The following CFTR variants were observed in gnomAD, a reference collection of about 807,000 sequenced individuals.
CFTR encodes cystic fibrosis transmembrane conductance regulator.
CFTR carries 181 observed loss-of-function variants against 171.6 expected under a neutral mutation model. That is an observed-to-expected ratio of 1.05 (90% confidence interval 0.93 to 1.19). CFTR has a LOEUF of 1.19. Ranked by LOEUF, CFTR falls within the 50% of genes most tolerant of loss-of-function variation. CFTR has a pLI of 0.00. For missense variants in CFTR, 1,968 were observed against 1,734.7 expected (o/e 1.13, Z -2.39); for synonymous variants, 583 against 608.0 (o/e 0.96, Z 0.60).
intron 11 of CFTR, among the ~76,000 whole-genome samples, chr7:117,574,153 T>C (rs1261984555): frequency 6.6e-6 from 1 of 152,014 alleles, no homozygotes; most frequent in Non-Finnish European, 1.5e-5. Flanking sequence ...CTCTTAGTAA[T>C]CAGCAAAGAT....
intron 11 of CFTR, among the ~76,000 whole-genome samples, chr7:117,570,625 C>A (rs368512825): frequency 1.8e-4 from 27 of 152,176 alleles, no homozygotes; most frequent in East Asian, 9.6e-4. Context: ...ACCAGCAATA[C>A]AATCCAAATC....
chr7:117,608,511 C>G (rs1278233316), intron 18 of CFTR, among the ~76,000 whole-genome samples: 1 of 152,136 alleles, frequency 6.6e-6, no homozygotes, highest in Non-Finnish European at 1.5e-5. Flanking sequence ...CTGCACCAGG[C>G]CCTGTTCAAC....
rs2116034424 is a variant in CFTR at position 117,592,696 on chromosome 7, A to G, written c.2490+39A>G. Reference sequence around the variant, plus strand: ...GCTTGGGGGTATTTCACCCCACAGAATGCAATTGAGTAGAATGCAATATGT... The same window carrying G: ...GCTTGGGGGTATTTCACCCCACAGAGTGCAATTGAGTAGAATGCAATATGT... On this transcript the variant is annotated intron_variant, in intron 14 of 26. Transcript: ENST00000003084. 3 of 1,474,226 alleles carry G rather than the reference A, an allele frequency of 2.0e-6. 1 individual carries two copies. In the Middle Eastern group the frequency reaches 5.4e-4, roughly 266 times the overall value. The allele number at this position is 1,474,226 out of a possible 1,614,324, so 91.3% of individuals were successfully genotyped here.
At position 117,540,130 on chromosome 7, in the gene CFTR, C is replaced by T. The variant is rs146652541; in HGVS notation, c.900C>T (p.Ala300=). ...QTELKLTRKA[A]YVRYFNSSAF... ...AACTGAAACTGACTCGGAAGGCAGC[C>T]TATGTGAGATACTTCAATAGCTCAG... Residue 300 remains alanine (A), a synonymous_variant, in exon 8 of 27, where the codon GCC becomes GCT. Coordinates refer to ENST00000003084, the MANE Select transcript of CFTR (RefSeq NM_000492.4). The T allele has an allele frequency of 2.5e-6, 4 of 1,613,252 alleles. No homozygotes were observed. Among genetic ancestry groups the T allele is most frequent in the Non-Finnish European group, 3.4e-6 (4 of 1,179,314 alleles).
At chr7:117,615,731 G>A (rs956323453) in intron 21 of CFTR, among the ~76,000 whole-genome samples, 3 of 151,564 alleles carry the variant, frequency 2.0e-5, no homozygotes, top group Non-Finnish European at 4.4e-5. Context: ...CCATTGCAGC[G>A]GGACTGAGAA....
chr7:117,630,263 A>T (rs1792721219), intron 22 of CFTR, among the ~76,000 whole-genome samples: 1 of 152,196 alleles, frequency 6.6e-6, no homozygotes, highest in Non-Finnish European at 1.5e-5. Context: ...AATGCCCTTG[A>T]ATAAGAGATA....
rs571004395 is a variant in CFTR, at chr7:117,633,851, G to A, written c.3717+6081G>A. ...ACCTTTTGTACCTGAGATTAATCCC[G>A]TTTGGTTGTGGTATATAATTATTTG... On this transcript the variant is annotated intron_variant, in intron 22 of 26. Coordinates refer to ENST00000003084, the MANE Select transcript of CFTR (RefSeq NM_000492.4). Among the ~76,000 whole-genome samples the A allele has an allele frequency of 1.3e-4, 20 of 152,000 alleles. No individual in the cohort carries two copies. In the South Asian group the frequency reaches 3.3e-3, roughly 25 times the overall value.
rs151090240 is a variant in CFTR, at chr7:117,517,143, G to A, written c.273+8001G>A. On this transcript the variant is annotated intron_variant, in intron 3 of 26. Transcript: ENST00000003084. ...CAATCTAGATGGCGATTGCAATGGC[G>A]GTTCGCTGCATCCATCAGCCCATCA... Among the ~76,000 whole-genome samples the A allele has an allele frequency of 6.4e-4, 97 of 152,112 alleles. 2 individuals are homozygous for A. In the East Asian group the frequency reaches 9.9e-3, roughly 15 times the overall value.
intron 2 of CFTR, among the ~76,000 whole-genome samples, chr7:117,507,142 T>C (rs1422948244): frequency 6.6e-6 from 1 of 152,212 alleles, no homozygotes; most frequent in South Asian, 2.1e-4. Context: ...CCTTCTGATC[T>C]GGGCCTGGTA....
At chr7:117,525,094 T>A (rs1436227776) in intron 3 of CFTR, among the ~76,000 whole-genome samples, 1 of 152,194 alleles carries the variant, frequency 6.6e-6, no homozygotes, top group African/African-American at 2.4e-5. Context: ...AATATTTGGA[T>A]AGGAGGTTGG....
In CFTR at chr7:117,509,029, T is replaced by C; in HGVS notation, c.165-5T>C. ...TTATTGGTCCCACTTTTTATTCTTT[T>C]GCAGAGAATGGGATAGAGAGCTGGC... On this transcript the variant is annotated splice_polypyrimidine_tract_variant and splice_region_variant and intron_variant, in intron 2 of 26. Transcript: ENST00000003084. 1 of 1,572,638 alleles carries C rather than the reference T, an allele frequency of 6.4e-7. No individual in the cohort carries two copies. Among genetic ancestry groups the C allele is most frequent in the Non-Finnish European group, 8.8e-7 (1 of 1,142,696 alleles).
intron 11 of CFTR, among the ~76,000 whole-genome samples, chr7:117,582,063 A>AT (rs1236951121): frequency 2.6e-5 from 4 of 152,120 alleles, no homozygotes; most frequent in Non-Finnish European, 5.9e-5. Context: ...GCCAAGTTTT[A>AT]TTTTAGAATT....
At chr7:117,560,737 AAG>A (rs1799450579) in intron 11 of CFTR, 1 of 152,098 alleles carries the variant, frequency 6.6e-6, no homozygotes, top group African/African-American at 2.4e-5. Context: ...ACTTACCTCA[AAG>A]AGGATATACT....
At chr7:117,602,614 A>G (rs1792242648) in intron 15 of CFTR, among the ~76,000 whole-genome samples, 1 of 152,238 alleles carries the variant, frequency 6.6e-6, no homozygotes, top group African/African-American at 2.4e-5. Flanking sequence ...TTTGAATTCC[A>G]TTAACTTAAT....
intron 21 of CFTR, among the ~76,000 whole-genome samples, chr7:117,616,609 A>G (rs1465158414): frequency 1.3e-5 from 2 of 152,070 alleles, no homozygotes; most frequent in Non-Finnish European, 2.9e-5. Flanking sequence ...TCTCCATGAA[A>G]GTTTCTGTAA....
chr7:117,600,580 C>T (rs1329926323), intron 15 of CFTR, among the ~76,000 whole-genome samples: 1 of 151,964 alleles, frequency 6.6e-6, no homozygotes, highest in Non-Finnish European at 1.5e-5. Flanking sequence ...AGTATATTCC[C>T]ATAATACCAC....
rs1793278949 is a variant in CFTR, at chr7:117,661,397, T to C, written c.3964-3291T>C. On this transcript the variant is annotated intron_variant, in intron 24 of 26. Transcript: ENST00000003084. ...AATTGTTTACTTCTAATAAAGAATT[T>C]CATCTGGGGAAAAACATACTTTGCT... Among the ~76,000 whole-genome samples, 3 of 152,230 alleles carry C rather than the reference T, an allele frequency of 2.0e-5. No individual in the cohort carries two copies. In the South Asian group the frequency reaches 6.2e-4, roughly 31 times the overall value.
intron 15 of CFTR, among the ~76,000 whole-genome samples, chr7:117,602,323 A>G (rs1486826499): frequency 6.6e-6 from 1 of 152,234 alleles, no homozygotes. Flanking sequence ...AGTGTGAGCC[A>G]CTGTGCCTGG....
chr7:117,542,060 A>G lies in CFTR; in HGVS notation c.1161A>G (p.Leu387=), dbSNP rs1799062301. The part of the protein sequence containing the change: ...KQEYKTLEYN[L]TTTEVVMENV... ...AATATAAGACATTGGAATATAACTT[A>G]ACGACTACAGAAGTAGTGATGGAGA... is the stretch of plus-strand genomic sequence containing the variant. Residue 387 remains leucine (L), a synonymous_variant, in exon 9 of 27, where the codon TTA becomes TTG. Coordinates refer to ENST00000003084, the MANE Select transcript of CFTR (RefSeq NM_000492.4). 1 of 1,602,634 alleles carries G rather than the reference A, an allele frequency of 6.2e-7. No individual in the cohort carries two copies. Among genetic ancestry groups the G allele is most frequent in the African/African-American group, 1.3e-5 (1 of 74,828 alleles).
Sources: gnomAD v4.1 joint callset for allele counts (sites outside exome capture counted in the v4.1 genomes callset) on GRCh38, gnomAD v4.1.1 for gene constraint, MANE v1.5 for transcripts, NCBI Gene and HGNC (gene_info 2026-07-23, HGNC 2026-07-21) for gene names.